The following AHCYL2 variants were observed in gnomAD, a reference collection of about 807,000 sequenced individuals.
AHCYL2 encodes S-adenosylhomocysteine hydrolase-like protein 2.
Under a neutral mutation model 81.4 loss-of-function variants are expected in AHCYL2, and 28 were observed. The observed-to-expected ratio is 0.34, with a 90% CI of 0.25 to 0.47. The LOEUF is 0.47. Among genes scored for constraint, AHCYL2 ranks in the 20% least tolerant of loss-of-function variants. AHCYL2 has a pLI of 1.00. For missense variants in AHCYL2, 551 were observed against 785.1 expected, an observed-to-expected ratio of 0.70 and a Z score of 3.56; for synonymous variants, 272 against 290.2, an observed-to-expected ratio of 0.94 and a Z score of 0.64.
At chr7:129,227,457 CAAA>C (rs58088647) in intron 1 of AHCYL2, among the ~76,000 whole-genome samples, 30 of 70,224 alleles carry the variant, frequency 4.3e-4, no homozygotes, top group South Asian at 2.5e-3. Context: ...CCTCTCTCTC[CAAA>C]AAAAAAAAAA....
chr7:129,237,520 G>A (rs748192694), intron 1 of AHCYL2, among the ~76,000 whole-genome samples: 5 of 151,312 alleles, frequency 3.3e-5, no homozygotes, highest in African/African-American at 4.9e-5. Context: ...TAGTGTTTAC[G>A]GTGAATTATT....
intron 1 of AHCYL2, among the ~76,000 whole-genome samples, chr7:129,234,808 A>C (rs1014749043): frequency 2.4e-4 from 36 of 152,124 alleles, no homozygotes; most frequent in African/African-American, 8.5e-4. Context: ...TCCTGTCTTA[A>C]AGAATTTCTT....
chr7:129,405,057 T>C (rs1250731137), intron 7 of AHCYL2, 40 bp from the exon 8 acceptor site: 2 of 1,347,324 alleles, frequency 1.5e-6, no homozygotes, highest in Non-Finnish European at 2.1e-6. Context: ...TAGATTGTAA[T>C]GTCCTGGTGT....
At position 129,291,806 on chromosome 7, in the gene AHCYL2, C is replaced by T. The variant is rs1011410329; in HGVS notation, c.363+66367C>T. 4.6e-5 allele frequency among the ~76,000 whole-genome samples: 7 copies of T among 151,750 alleles called. No individual in the cohort carries two copies. The East Asian group carries it at 7.7e-4, about 17-fold the overall frequency. ...ATTTTTAGTAGAGACGGGGTTTCAC[C>T]GTGTTAGCCAGGATGGTCTCAATCT... is the stretch of plus-strand genomic sequence containing the variant. On this transcript the variant is annotated intron_variant, in intron 1 of 16. Coordinates refer to ENST00000325006, the MANE Select transcript of AHCYL2 (RefSeq NM_015328.4).
chr7:129,364,740 A>G (rs1584827827), intron 1 of AHCYL2, among the ~76,000 whole-genome samples: 1 of 152,168 alleles, frequency 6.6e-6, no homozygotes, highest in Non-Finnish European at 1.5e-5. Context: ...ATTTGTTCCT[A>G]AAAGTTTCAT....
chr7:129,363,561 TTTTATTTA>T (rs1446443028), intron 1 of AHCYL2, among the ~76,000 whole-genome samples: 2 of 152,162 alleles, frequency 1.3e-5, no homozygotes, highest in African/African-American at 4.8e-5. Flanking sequence ...GTGTTTATTC[TTTTATTTA>T]TTTATTTGAG....
chr7:129,358,405 A>C (rs1038835959), intron 1 of AHCYL2, among the ~76,000 whole-genome samples: 5 of 152,120 alleles, frequency 3.3e-5, no homozygotes, highest in African/African-American at 4.8e-5. Flanking sequence ...CACACACAAA[A>C]AAAAAAACAA....
intron 1 of AHCYL2, among the ~76,000 whole-genome samples, chr7:129,241,861 T>TA (rs1554468254): frequency 1.3e-5 from 2 of 151,726 alleles, no homozygotes; most frequent in Non-Finnish European, 2.9e-5. Context: ...CTATTTTTTT[T>TA]AAAAAAGGGA....
In AHCYL2 at chr7:129,426,481, GC is replaced by G; in HGVS notation, c.1750del (p.His584ThrfsTer2). On this transcript the variant is annotated frameshift_variant, in exon 16 of 17. Coordinates refer to ENST00000325006, the MANE Select transcript of AHCYL2 (RefSeq NM_015328.4). LOFTEE classifies it high-confidence loss of function. The surrounding 1 kb of genome is among the most constrained non-coding windows in gnomAD (Gnocchi z 4.3). ...VASLHLPTFDAHLTELTDEQA... is the reference protein window; with the variant it reads ...VASLHLPTFDXHLTELTDEQA... ...CAGCCTACACCTGCCTACCTTTGAT[GC>G]CCACTTGACAGAGCTGACAGATGAA... 6.2e-7 allele frequency: 1 copy of G among 1,614,036 alleles called. No individual in the cohort carries two copies. Among genetic ancestry groups the G allele is most frequent in the Non-Finnish European group, 8.5e-7 (1 of 1,179,972 alleles).
intron 12 of AHCYL2, among the ~76,000 whole-genome samples, chr7:129,422,572 T>G (rs181457005): frequency 6.6e-6 from 1 of 152,370 alleles, no homozygotes; most frequent in East Asian, 1.9e-4. Flanking sequence ...CTTTGGTTTC[T>G]TTTGTATTTC....
intron 1 of AHCYL2, among the ~76,000 whole-genome samples, chr7:129,234,460 G>A (rs144174805): frequency 6.8e-4 from 104 of 152,192 alleles, no homozygotes; most frequent in Middle Eastern, 3.4e-3. Flanking sequence ...GGCCAGGCTG[G>A]TCTGGAACTC....
intron 12 of AHCYL2, among the ~76,000 whole-genome samples, chr7:129,418,175 G>T (rs1192216615): frequency 1.3e-5 from 2 of 152,098 alleles, no homozygotes; most frequent in Admixed American, 1.3e-4. Context: ...GGAGGTATAG[G>T]CTATGTAGAG....
intron 8 of AHCYL2, 146 bp from the exon 9 acceptor site, chr7:129,405,690 A>C (rs1222979897): frequency 1.4e-5 from 9 of 626,014 alleles, no homozygotes; most frequent in Non-Finnish European, 2.1e-5. Flanking sequence ...TTTACCAGAA[A>C]ACCCCTTTAA....
intron 4 of AHCYL2, among the ~76,000 whole-genome samples, chr7:129,393,642 T>C (rs1483850033): frequency 6.6e-6 from 1 of 152,202 alleles, no homozygotes; most frequent in Non-Finnish European, 1.5e-5. Flanking sequence ...CAGTGTGGCT[T>C]CTGTGACTTC....
chr7:129,311,888 T>C (rs1563191753), intron 1 of AHCYL2, among the ~76,000 whole-genome samples: 2 of 152,230 alleles, frequency 1.3e-5, no homozygotes, highest in Non-Finnish European at 2.9e-5. Context: ...TCTCATGTCA[T>C]GGATAATGAA....
intron 1 of AHCYL2, among the ~76,000 whole-genome samples, chr7:129,356,655 C>T (rs1440205391): frequency 6.6e-6 from 1 of 152,182 alleles, no homozygotes; most frequent in African/African-American, 2.4e-5. Flanking sequence ...AATGTATCCT[C>T]ATTCCAGAAA....
chr7:129,384,447 G>T (rs1404512558), intron 2 of AHCYL2, among the ~76,000 whole-genome samples: 1 of 151,540 alleles, frequency 6.6e-6, no homozygotes, highest in Non-Finnish European at 1.5e-5. Flanking sequence ...GTTTGACACA[G>T]AAGAGGTACT....
intron 1 of AHCYL2, among the ~76,000 whole-genome samples, chr7:129,370,212 T>C (rs1047149525): frequency 3.9e-5 from 6 of 152,188 alleles, no homozygotes; most frequent in Non-Finnish European, 8.8e-5. Context: ...CAAAGTTCAG[T>C]AGTGGCTCCT....
chr7:129,267,246 T>TGTGTGTGTGTGC (rs1795845624), intron 1 of AHCYL2, among the ~76,000 whole-genome samples: 1 of 151,876 alleles, frequency 6.6e-6, no homozygotes, highest in Non-Finnish European at 1.5e-5. Flanking sequence ...TGTGTGTGTG[T>TGTGTGTGTGTGC]GTGTGTGTGT....
Sources: allele counts gnomAD v4.1 joint callset (sites outside exome capture counted in the v4.1 genomes callset), GRCh38; gene constraint gnomAD v4.1.1; non-coding constraint Gnocchi (gnomAD v3.1); transcripts MANE v1.5; gene names NCBI Gene and HGNC (gene_info 2026-07-23, HGNC 2026-07-21).